The following RYR2 variants were observed in gnomAD, a reference collection of about 807,000 sequenced individuals.
RYR2 encodes the protein ryanodine receptor 2, also known as cardiac muscle ryanodine receptor-calcium release channel.
In RYR2, 227 loss-of-function variants were observed where a neutral mutation model predicts 601.1. That is an observed-to-expected ratio of 0.38 (90% CI 0.34 to 0.42). The LOEUF (loss-of-function observed/expected upper bound fraction) is 0.42, where lower values mean the gene tolerates loss of function less well. RYR2 is among the 10% of genes least tolerant of loss of function. RYR2 has a pLI of 1.00. For synonymous variants in RYR2, 2,223 were observed against 2,175.1 expected, an observed-to-expected ratio of 1.02 and a Z score of -0.61; for missense variants, 4,646 against 6,156.5, an observed-to-expected ratio of 0.75 and a Z score of 8.21.
intron 54 of RYR2, among the ~76,000 whole-genome samples, chr1:237,658,583 A>C (rs959012): frequency 0.62 from 93,937 of 151,792 alleles, 31,222 homozygotes; most frequent in Non-Finnish European, 0.75. Context: ...TATAGAGATG[A>C]GATCTTGCTA....
Position 237,431,751 on chromosome 1 carries a change from A to G in RYR2, c.1005+8503A>G, listed in dbSNP as rs147969291. 2.5e-4 allele frequency among the ~76,000 whole-genome samples: 38 copies of G among 152,282 alleles called. No individual in the cohort carries two copies. In the East Asian group the frequency reaches 7.0e-3, roughly 28 times the overall value. ...GGAGGCTCTCAGAGGGCAGAACAGT[A>G]TCTGTTTTGTTCACCATGGATAGTG... On this transcript the variant is annotated intron_variant, in intron 12 of 104. Coordinates refer to ENST00000366574, the MANE Select transcript of RYR2 (RefSeq NM_001035.3).
intron 2 of RYR2, among the ~76,000 whole-genome samples, chr1:237,286,894 T>A (rs1691635179): frequency 7.4e-6 from 1 of 134,916 alleles, no homozygotes; most frequent in African/African-American, 3.3e-5. Context: ...GCTTTTTAAC[T>A]TGTATTTTTG....
chr1:237,654,504 A>G (rs1374797565), intron 52 of RYR2, 90 bp downstream of exon 52: 5 of 1,322,356 alleles, frequency 3.8e-6, no homozygotes, highest in Admixed American at 2.4e-5. Flanking sequence ...GTTGAATACT[A>G]TCTTTGCTAA....
intron 94 of RYR2, 26 bp downstream of exon 94, chr1:237,792,349 CTGTGTGTGTGTGTGTG>C (rs34337859): frequency 3.7e-5 from 26 of 705,874 alleles, no homozygotes; most frequent in South Asian, 1.5e-4. Context: ...ACCAAGGTAC[CTGTGTGTGTGTGTGTG>C]TGTGTGTGTG....
At chr1:237,378,034 A>T (rs1196738686) in intron 8 of RYR2, among the ~76,000 whole-genome samples, 3 of 152,218 alleles carry the variant, frequency 2.0e-5, no homozygotes, top group Middle Eastern at 3.2e-3. Context: ...AAAACTGGGC[A>T]ATTTACAAAA....
chr1:237,606,096 G>A (rs1277061717), intron 35 of RYR2, among the ~76,000 whole-genome samples: 2 of 151,538 alleles, frequency 1.3e-5, no homozygotes, highest in African/African-American at 4.8e-5. Flanking sequence ...CCAAAAAAGA[G>A]CCTGCATTGC....
At chr1:237,770,150 A>C (rs1381616185) in intron 84 of RYR2, among the ~76,000 whole-genome samples, 2 of 152,142 alleles carry the variant, frequency 1.3e-5, no homozygotes, top group African/African-American at 4.8e-5. Flanking sequence ...TTTTGGTTTC[A>C]TATTTAGAAT....
intron 84 of RYR2, among the ~76,000 whole-genome samples, chr1:237,769,340 C>T (rs1215433956): frequency 6.6e-6 from 1 of 152,098 alleles, no homozygotes; most frequent in East Asian, 1.9e-4. Context: ...GTTTCCTATC[C>T]TGTCGTGAAT....
intron 1 of RYR2, among the ~76,000 whole-genome samples, chr1:237,117,708 T>TTCTCTTCTCTTCTCG (rs1341851125): frequency 5.0e-5 from 7 of 138,836 alleles, no homozygotes; most frequent in Non-Finnish European, 9.3e-5. Flanking sequence ...TTCTCTTCTC[T>TTCTCTTCTCTTCTCG]TCTCTTCTCT....
At chr1:237,344,540 C>A (rs1172158659) in intron 3 of RYR2, among the ~76,000 whole-genome samples, 1 of 152,160 alleles carries the variant, frequency 6.6e-6, no homozygotes, top group Non-Finnish European at 1.5e-5. Flanking sequence ...AAGTTTACCA[C>A]CCCTCGCTTC....
intron 29 of RYR2, among the ~76,000 whole-genome samples, chr1:237,588,528 A>T: frequency 6.6e-6 from 1 of 152,144 alleles, no homozygotes; most frequent in East Asian, 1.9e-4. Flanking sequence ...ACATTCATGT[A>T]AAACATTACA....
chr1:237,771,940 C>A, intron 85 of RYR2, 72 bp from the exon 86 acceptor site: 1 of 831,946 alleles, frequency 1.2e-6, no homozygotes, highest in Non-Finnish European at 2.0e-6. Context: ...AAGCATTTGC[C>A]TTTGGAGTTC....
At chr1:237,651,927 C>T (rs965307385) in intron 51 of RYR2, among the ~76,000 whole-genome samples, 3 of 152,000 alleles carry the variant, frequency 2.0e-5, no homozygotes, top group Non-Finnish European at 4.4e-5. Context: ...GGCCCAGTTA[C>T]GTGGAAGGCT....
chr1:237,046,459 T>G (rs1458837262), intron 1 of RYR2, among the ~76,000 whole-genome samples: 1 of 152,196 alleles, frequency 6.6e-6, no homozygotes, highest in Non-Finnish European at 1.5e-5. Context: ...CAGTGGAAAT[T>G]CGCACTTTTT....
chr1:237,550,771 G>T lies in RYR2; in HGVS notation c.3214+80G>T, dbSNP rs138346854. 0.012 allele frequency: 17,684 copies of T among 1,420,074 alleles called. 143 individuals are homozygous for T. The highest frequency in any genetic ancestry group is 0.028 in the South Asian group (1,914 of 68,848). 88.0% of individuals were successfully genotyped at this position (1,420,074 alleles called of 1,614,324 possible). On this transcript the variant is annotated intron_variant, in intron 27 of 104. Transcript: ENST00000366574. ...TAAAGCCAAATAAATGAATAAAAGGGGGAGTACTGGATAGAGTCCTCTAGT... is the reference window on the plus strand; with the variant it reads ...TAAAGCCAAATAAATGAATAAAAGGTGGAGTACTGGATAGAGTCCTCTAGT...
At chr1:237,331,305 T>C (rs1401610227) in intron 3 of RYR2, among the ~76,000 whole-genome samples, 1 of 152,246 alleles carries the variant, frequency 6.6e-6, no homozygotes. Flanking sequence ...AACTCATAGC[T>C]TTATGCATGG....
chr1:237,109,521 T>C (rs560509586), intron 1 of RYR2, among the ~76,000 whole-genome samples: 1 of 152,130 alleles, frequency 6.6e-6, no homozygotes, highest in African/African-American at 2.4e-5. Context: ...CACCAACACA[T>C]AGAGGCTACT....
At chr1:237,275,966 G>A (rs1400658043) in intron 2 of RYR2, among the ~76,000 whole-genome samples, 5 of 152,012 alleles carry the variant, frequency 3.3e-5, no homozygotes, top group Admixed American at 2.6e-4. Context: ...TTAAATCTTG[G>A]GTCAAAGGCA....
At chr1:237,391,535 A>T (rs1054888320) in intron 10 of RYR2, among the ~76,000 whole-genome samples, 3 of 152,134 alleles carry the variant, frequency 2.0e-5, no homozygotes, top group African/African-American at 7.2e-5. Flanking sequence ...GCCAGAAAAG[A>T]TGTTTACTTC....
Sources: gnomAD v4.1 joint callset for allele counts (sites outside exome capture counted in the v4.1 genomes callset) on GRCh38, gnomAD v4.1.1 for gene constraint, MANE v1.5 for transcripts, NCBI Gene and HGNC (gene_info 2026-07-23, HGNC 2026-07-21) for gene names.